Variants in SHC1 observed in about 807,000 individuals in gnomAD.
SHC1 encodes the protein SHC adaptor protein 1, also known as SHC-transforming protein 1.
In SHC1, 30 loss-of-function variants were observed where a neutral mutation model predicts 55.9. The observed-to-expected ratio is 0.54, with a 90% confidence interval of 0.40 to 0.73. The LOEUF (loss-of-function observed/expected upper bound fraction) is 0.73. SHC1 is among the 30% of genes least tolerant of loss of function. SHC1 has a pLI of 0.00. For synonymous variants in SHC1, 309 were observed against 306.1 expected, an observed-to-expected ratio of 1.01 and a Z score of -0.10; for missense variants, 675 against 777.1, an observed-to-expected ratio of 0.87 and a Z score of 1.56.
intron 11 of SHC1, chr1:154,964,444 C>A: frequency 2.8e-6 from 1 of 357,352 alleles, no homozygotes; most frequent in Non-Finnish European, 5.5e-6. Flanking sequence ...AAAACCCTAT[C>A]TCAAAAAAAA....
At position 154,963,804 on chromosome 1, in the gene SHC1, C is replaced by A; in HGVS notation, c.1754G>T (p.Ter585LeuextTer40). ...TCTGGAAGAGAGCGCTAGGGCAGAT[C>A]ACAGTTTCCGCTCCACAGGTTGCTG... ...CLQQPVERKL[*>L] The change falls in exon 12 of 12, where the codon TGA becomes TTA. Residue 585 changes from the stop codon to leucine (L), a stop_lost. Transcript: ENST00000448116. The A allele has an allele frequency of 6.2e-7, 1 of 1,613,758 alleles. No individual in the cohort carries two copies. The highest frequency in any genetic ancestry group is 8.5e-7 in the Non-Finnish European group (1 of 1,180,004).
rs756369565 is a variant in SHC1, at chr1:154,970,549, C to T, written c.-23G>A. On this transcript the variant is annotated 5_prime_UTR_variant, in exon 1 of 12. Coordinates refer to ENST00000448116, the MANE Select transcript of SHC1 (RefSeq NM_001130040.2). This position sits in a 1 kb window ranked among gnomAD's most constrained non-coding sequence, Gnocchi z 5.5. ...CATAGTTGAGGTGAAAGAGGGGCTG[C>T]TGCCCAGCCTGGCCCCCCTGCCAGT... 5.1e-6 allele frequency: 8 copies of T among 1,566,994 alleles called. No homozygotes were observed. The African/African-American group carries it at 1.1e-4, about 22-fold the overall frequency.
chr1:154,963,849 G>C lies in SHC1; in HGVS notation c.1709C>G (p.Ala570Gly). 1 of 1,614,070 alleles carries C rather than the reference G, an allele frequency of 6.2e-7. No individual in the cohort carries two copies. The highest frequency in any genetic ancestry group is 8.5e-7 in the Non-Finnish European group (1 of 1,179,914). ...HMDNHLPIISAGSELCLQQPV... is the reference protein window; with the variant it reads ...HMDNHLPIISGGSELCLQQPV... Reference sequence around the variant, plus strand: ...TTGCTGTAGACACAGTTCGCTGCCCGCAGAGATGATGGGCAAGTGATTGTC... The same window carrying C: ...TTGCTGTAGACACAGTTCGCTGCCCCCAGAGATGATGGGCAAGTGATTGTC... The change falls in exon 12 of 12, where the codon GCG (alanine) becomes GGG (glycine). Residue 570 changes from alanine (A) to glycine (G), a missense_variant. Physicochemically the swap from Ala to Gly is moderately conservative, Grantham distance 60 (BLOSUM62 0). Transcript: ENST00000448116.
chr1:154,969,185 G>C (rs1345379791), intron 2 of SHC1, among the ~76,000 whole-genome samples, 193 bp downstream of exon 2: 1 of 152,162 alleles, frequency 6.6e-6, no homozygotes, highest in Non-Finnish European at 1.5e-5. Context: ...AGGCTGGATA[G>C]GTAAGGAGGA....
At chr1:154,966,648 C>A in intron 7 of SHC1, 131 bp from the exon 8 acceptor site, 1 of 607,964 alleles carries the variant, frequency 1.6e-6, no homozygotes, top group Non-Finnish European at 2.8e-6. Context: ...GTTTTATATA[C>A]ATAATCATTT....
chr1:154,968,065 A>G, intron 5 of SHC1, 34 bp from the exon 6 acceptor site: 1 of 1,611,820 alleles, frequency 6.2e-7, no homozygotes, highest in Non-Finnish European at 8.5e-7. Context: ...TTACAGTTCT[A>G]CTTTACTCCT....
rs759317613 is a variant in SHC1 at position 154,966,341 on chromosome 1, G to C, written c.1160C>G (p.Pro387Arg). The C allele has an allele frequency of 1.2e-6, 2 of 1,614,046 alleles. No homozygotes were observed. Among genetic ancestry groups the C allele is most frequent in the Admixed American group, 3.3e-5 (2 of 60,028 alleles). The change falls in exon 8 of 12, where the codon CCC becomes CGC. Residue 387 changes from proline (P) to arginine (R), a missense_variant. By Grantham distance (103) the Pro-to-Arg change is moderately radical (BLOSUM62 -2). This residue lies in a region of SHC1 where 360 missense variants were observed against 371.1 expected (regional missense o/e 0.97). Coordinates refer to ENST00000448116, the MANE Select transcript of SHC1 (RefSeq NM_001130040.2). Reference protein sequence around the residue: ...ARPTAPNAQTPSHLGATLPVG... With the variant: ...ARPTAPNAQTRSHLGATLPVG... ...TACCAATGTAGCTCCCAAGTGGCTG[G>C]GGGTCTGGGCATTGGGTGCAGTGGG... is the stretch of plus-strand genomic sequence containing the variant.
At position 154,965,696 on chromosome 1, in the gene SHC1, A is replaced by T. The variant is rs556734828; in HGVS notation, c.1473T>A (p.His491Gln). The stretch of plus-strand genomic sequence containing the variant: ...CAGCCTCCCGCCGGCTCAGCTTCCC[A>T]TGGAACCAGGGCTCCCCTCGGAGCT... ...AEQLRGEPWF[H>Q]GKLSRREAEA... The change falls in exon 11 of 12, where the codon CAT becomes CAA. Residue 491 changes from histidine to glutamine, a missense_variant. Transcript: ENST00000448116. 1.2e-6 allele frequency: 2 copies of T among 1,613,998 alleles called. No individual in the cohort carries two copies.
chr1:154,970,505 G>A lies in SHC1; in HGVS notation c.22C>T (p.Pro8Ser). ...TCATTCCGGAGTGGATTGTACTTGG[G>A]CTTGGGGGGCAGGAGATCCATAGTT... is the stretch of plus-strand genomic sequence containing the variant. MDLLPPK[P>S]KYNPLRNESL... The change falls in exon 1 of 12, where the codon CCC becomes TCC. Residue 8 changes from proline (P) to serine (S), a missense_variant. Physicochemically the swap from Pro to Ser is moderately conservative, Grantham distance 74. Coordinates refer to ENST00000448116, the MANE Select transcript of SHC1 (RefSeq NM_001130040.2). The surrounding 1 kb of genome is among the most constrained non-coding windows in gnomAD (Gnocchi z 5.5). The A allele has an allele frequency of 6.2e-7, 1 of 1,609,498 alleles. No individual in the cohort carries two copies. The highest frequency in any genetic ancestry group is 2.2e-5 in the East Asian group (1 of 44,788).
In SHC1 at chr1:154,970,743, TC is replaced by T; in HGVS notation, c.-218del. 1 of 479,206 alleles carries T rather than the reference TC, an allele frequency of 2.1e-6. No homozygotes were observed. The highest frequency in any genetic ancestry group is 3.7e-6 in the Non-Finnish European group (1 of 271,948). 29.7% of individuals were successfully genotyped at this position (479,206 alleles called of 1,614,324 possible). A position where few individuals can be genotyped will look rare whatever the true frequency, so the allele number is the denominator to read the frequency against. ...CATCCCCGCCCAACGTGGAGCCTCT[TC>T]TCTGGCTGAGAAGAGAACAGGCTGG... On this transcript the variant is annotated 5_prime_UTR_variant, in exon 1 of 12. Coordinates refer to ENST00000448116, the MANE Select transcript of SHC1 (RefSeq NM_001130040.2). This position sits in a 1 kb window ranked among gnomAD's most constrained non-coding sequence, Gnocchi z 5.5.
chr1:154,964,678 C>G (rs1394083350), intron 11 of SHC1, among the ~76,000 whole-genome samples: 1 of 152,104 alleles, frequency 6.6e-6, no homozygotes, highest in African/African-American at 2.4e-5. Context: ...GTTGCCCAGG[C>G]TGGTCTTGAA....
chr1:154,970,441 G>C lies in SHC1; in HGVS notation c.86C>G (p.Thr29Ser). The change falls in exon 1 of 12, where the codon ACC (threonine) becomes AGC (serine). Residue 29 changes from threonine to serine, a missense_variant. Transcript: ENST00000448116. The surrounding 1 kb of genome is among the most constrained non-coding windows in gnomAD (Gnocchi z 5.5). ...TGGGGAAGGCAGCTCCTCCGGGGGG[G>C]TGGACCCAGAAGCCCCTTCCTCCAG... The part of the protein sequence containing the change: ...SSLEEGASGS[T>S]PPEELPSPSA... The C allele has an allele frequency of 6.2e-7, 1 of 1,611,090 alleles. No individual in the cohort carries two copies. Among genetic ancestry groups the C allele is most frequent in the South Asian group, 1.1e-5 (1 of 90,844 alleles).
intron 11 of SHC1, among the ~76,000 whole-genome samples, chr1:154,965,060 A>G (rs919851091): frequency 6.6e-6 from 1 of 152,086 alleles, no homozygotes; most frequent in Non-Finnish European, 1.5e-5. Flanking sequence ...TTTTTCAGAC[A>G]GAGTCTCACT....
chr1:154,974,288 T>G (rs1657045069), upstream of SHC1: 2 of 244,364 alleles, frequency 8.2e-6, no homozygotes, highest in Non-Finnish European at 1.7e-5. Context: ...GCGGGCCGAT[T>G]TGGTGCCGGA....
chr1:154,964,991 G>C (rs1470681857), intron 11 of SHC1, among the ~76,000 whole-genome samples: 1 of 152,170 alleles, frequency 6.6e-6, no homozygotes, highest in African/African-American at 2.4e-5. Context: ...TTCTAGCTCT[G>C]ATAAGCTTAA....
Position 154,970,249 on chromosome 1 carries a change from C to T in SHC1, c.278G>A (p.Gly93Glu), listed in dbSNP as rs1656581707. ...EPGRAADDGE[G>E]IVGAAMPDSG... ...GTCTGGCATGGCTGCCCCTACGATCCCCTCCCCATCATCAGCTGCCCTTCC... is the reference window on the plus strand; with the variant it reads ...GTCTGGCATGGCTGCCCCTACGATCTCCTCCCCATCATCAGCTGCCCTTCC... Residue 93 changes from glycine to glutamate, a missense_variant, in exon 1 of 12, where the codon GGG becomes GAG. Around this residue, in one of 3 missense-constraint regions of SHC1, gnomAD observed 156 missense variants for 159.1 expected, o/e 0.98. Coordinates refer to ENST00000448116, the MANE Select transcript of SHC1 (RefSeq NM_001130040.2). This position sits in a 1 kb window ranked among gnomAD's most constrained non-coding sequence, Gnocchi z 5.5. 1.2e-6 allele frequency: 2 copies of T among 1,611,698 alleles called. No individual in the cohort carries two copies. The highest frequency in any genetic ancestry group is 8.5e-7 in the Non-Finnish European group (1 of 1,178,632).
In SHC1 at chr1:154,966,027, T is replaced by C. The variant is rs764966851; in HGVS notation, c.1306A>G (p.Lys436Glu). ...GCACCACCCACTGCTTGCCGGGCCT[T>C]GTCTAGGTTCTGGACGTTGACATAG... ...PSYVNVQNLD[K>E]ARQAVGGAGP... Residue 436 changes from lysine to glutamate, a missense_variant, in exon 10 of 12, where the codon AAG becomes GAG. Physicochemically the swap from Lys to Glu is moderately conservative, Grantham distance 56 (BLOSUM62 1). Transcript: ENST00000448116. 2 of 1,614,062 alleles carry C rather than the reference T, an allele frequency of 1.2e-6. No individual in the cohort carries two copies. The highest frequency in any genetic ancestry group is 2.2e-5 in the South Asian group (2 of 91,076).
chr1:154,963,929 A>G lies in SHC1; in HGVS notation c.1629T>C (p.Val543=). The G allele has an allele frequency of 6.2e-7, 1 of 1,614,112 alleles. No homozygotes were observed. Among genetic ancestry groups the G allele is most frequent in the South Asian group, 1.1e-5 (1 of 91,088 alleles). Residue 543 remains valine (V), a splice_region_variant and synonymous_variant, in exon 12 of 12, where the codon GTT becomes GTC. Transcript: ENST00000448116. ...HLLLVDPEGV[V]RTKDHRFESV... is the part of the protein sequence containing the mutation. ...TTTCAAAGCGGTGATCCTTAGTCCG[A>G]ACCTGGGAGGGTGGGAAGGAAGAAG...
Position 154,966,099 on chromosome 1 carries a change from T to C in SHC1, c.1253-19A>G. ...CTGCCTGCTGAGGAAAGGGAGGCTC[T>C]ACAGTGATCCCAGCCCTGCCTCCAA... is the stretch of plus-strand genomic sequence containing the variant. On this transcript the variant is annotated intron_variant, in intron 9 of 11. Transcript: ENST00000448116. 1 of 1,614,000 alleles carries C rather than the reference T, an allele frequency of 6.2e-7. No individual in the cohort carries two copies.
Sources: gnomAD v4.1 joint callset for allele counts (sites outside exome capture counted in the v4.1 genomes callset) on GRCh38, gnomAD v4.1.1 for gene constraint, gnomAD v4.1.1 regional missense constraint, Gnocchi (gnomAD v3.1) non-coding constraint, MANE v1.5 for transcripts, NCBI Gene and HGNC (gene_info 2026-07-23, HGNC 2026-07-21) for gene names.